Variants in XYLT1 observed in about 807,000 individuals in gnomAD.
The protein encoded by XYLT1 is xylosyltransferase 1, also known as beta-D-xylosyltransferase 1.
XYLT1 carries 36 observed loss-of-function variants against 91.3 expected under a neutral mutation model. The observed-to-expected ratio is 0.39, with a 90% CI of 0.30 to 0.52. The LOEUF is 0.52. XYLT1 is among the 20% of genes least tolerant of loss of function. The pLI is 0.68. For missense variants in XYLT1, 1,242 were observed against 1,284.5 expected (o/e 0.97, Z 0.51); for synonymous variants, 588 against 532.0 (o/e 1.11, Z -1.45).
Position 17,134,754 on chromosome 16 carries a change from A to C in XYLT1, c.1765-19T>G, listed in dbSNP as rs1449210975. The stretch of plus-strand genomic sequence containing the variant: ...CTGTCTGCTGTACTCATGGGATTAA[A>C]AATAGAAAAGCCACATCAGCGAGTG... On this transcript the variant is annotated intron_variant, in intron 8 of 11. Coordinates refer to ENST00000261381, the MANE Select transcript of XYLT1 (RefSeq NM_022166.4). The C allele has an allele frequency of 6.2e-7, 1 of 1,611,248 alleles. No homozygotes were observed. The highest frequency in any genetic ancestry group is 8.5e-7 in the Non-Finnish European group (1 of 1,177,718).
chr16:17,325,564 T>A (rs1453087557), intron 2 of XYLT1, among the ~76,000 whole-genome samples: 1 of 152,116 alleles, frequency 6.6e-6, no homozygotes, highest in East Asian at 1.9e-4. Flanking sequence ...TGAAATCAAT[T>A]ATGTAGAAAA....
At chr16:17,243,136 G>A (rs1415360570) in intron 3 of XYLT1, among the ~76,000 whole-genome samples, 1 of 152,168 alleles carries the variant, frequency 6.6e-6, no homozygotes, top group Non-Finnish European at 1.5e-5. Context: ...ACACCCAGAA[G>A]AGCTAACTTT....
At chr16:17,271,455 C>G (rs1200988932) in intron 2 of XYLT1, among the ~76,000 whole-genome samples, 2 of 152,014 alleles carry the variant, frequency 1.3e-5, no homozygotes, top group Non-Finnish European at 2.9e-5. Context: ...GAGAGAGAGA[C>G]AGAGAGGGAG....
At chr16:17,271,567 G>A (rs934707295) in intron 2 of XYLT1, among the ~76,000 whole-genome samples, 7 of 152,260 alleles carry the variant, frequency 4.6e-5, no homozygotes, top group African/African-American at 1.7e-4. Context: ...CAAGGACAGC[G>A]CTGTTGACAT....
chr16:17,335,616 C>T (rs374258107), intron 2 of XYLT1, among the ~76,000 whole-genome samples: 5 of 151,838 alleles, frequency 3.3e-5, no homozygotes, highest in East Asian at 3.9e-4. Flanking sequence ...ATCGCTTTAA[C>T]CCGGAAGGCA....
chr16:17,455,343 A>G (rs2036726890), intron 1 of XYLT1, among the ~76,000 whole-genome samples: 1 of 152,188 alleles, frequency 6.6e-6, no homozygotes, highest in Admixed American at 6.5e-5. Flanking sequence ...GTAGCTTACA[A>G]TTCAATCAGC....
At chr16:17,414,158 T>C (rs1211865129) in intron 1 of XYLT1, among the ~76,000 whole-genome samples, 3 of 152,206 alleles carry the variant, frequency 2.0e-5, no homozygotes, top group Admixed American at 6.5e-5. Flanking sequence ...GTGCCTCTTC[T>C]TTCTAGGGAA....
chr16:17,455,938 T>C (rs1372215902), intron 1 of XYLT1, among the ~76,000 whole-genome samples: 2 of 152,246 alleles, frequency 1.3e-5, no homozygotes, highest in South Asian at 2.1e-4. Context: ...CAATTAATTA[T>C]TTTTTCTCAC....
At chr16:17,286,244 C>A (rs1437664398) in intron 2 of XYLT1, among the ~76,000 whole-genome samples, 1 of 152,092 alleles carries the variant, frequency 6.6e-6, no homozygotes, top group Non-Finnish European at 1.5e-5. Flanking sequence ...TTCTCCACCA[C>A]ACTTACTTGA....
chr16:17,371,528 T>C (rs2035531697), intron 1 of XYLT1, among the ~76,000 whole-genome samples: 1 of 152,204 alleles, frequency 6.6e-6, no homozygotes, highest in Admixed American at 6.5e-5. Flanking sequence ...GATTGGCTAA[T>C]GTCTGAGATG....
chr16:17,282,968 C>CCG (rs2034080422), intron 2 of XYLT1, among the ~76,000 whole-genome samples: 1 of 152,012 alleles, frequency 6.6e-6, no homozygotes, highest in Non-Finnish European at 1.5e-5. Flanking sequence ...TCACCCCCCC[C>CCG]AAGTCACACA....
chr16:17,406,904 A>T (rs1187867742), intron 1 of XYLT1, among the ~76,000 whole-genome samples: 1 of 152,200 alleles, frequency 6.6e-6, no homozygotes, highest in Non-Finnish European at 1.5e-5. Flanking sequence ...AGAAAAATAA[A>T]ACATAAGAAC....
chr16:17,369,532 C>T (rs2035501205), intron 1 of XYLT1: 1 of 152,134 alleles, frequency 6.6e-6, no homozygotes, highest in African/African-American at 2.4e-5. Context: ...ACCACCATAC[C>T]TTACCCCTCC....
intron 1 of XYLT1, among the ~76,000 whole-genome samples, chr16:17,455,950 G>A (rs568620146): frequency 9.2e-5 from 14 of 152,256 alleles, no homozygotes; most frequent in South Asian, 6.2e-4. Context: ...TTTTCTCACC[G>A]TCAGCAGCTG....
At chr16:17,232,729 G>A (rs939868938) in intron 3 of XYLT1, among the ~76,000 whole-genome samples, 1 of 151,800 alleles carries the variant, frequency 6.6e-6, no homozygotes, top group Non-Finnish European at 1.5e-5. Context: ...GGCAGTGGTA[G>A]AGGTGATAGT....
chr16:17,326,050 T>C (rs1200119966), intron 2 of XYLT1, among the ~76,000 whole-genome samples: 3 of 152,208 alleles, frequency 2.0e-5, no homozygotes, highest in East Asian at 3.8e-4. Context: ...ACTTAATGTA[T>C]GCATTTTGAA....
chr16:17,376,123 C>G lies in XYLT1; in HGVS notation c.364-18073G>C, dbSNP rs114257518. Among the ~76,000 whole-genome samples, 367 of 152,368 alleles carry G rather than the reference C, an allele frequency of 2.4e-3. 2 individuals are homozygous for G. Among genetic ancestry groups the G allele is most frequent in the African/African-American group, 8.5e-3 (354 of 41,598 alleles). On this transcript the variant is annotated intron_variant, in intron 1 of 11. Transcript: ENST00000261381. ...AGGGGCCCATCCCACTGTGCTTTCA[C>G]GACCTGGTGGCAGTGGTTCTCAACC...
At chr16:17,401,350 C>T (rs2035967127) in intron 1 of XYLT1, among the ~76,000 whole-genome samples, 1 of 152,178 alleles carries the variant, frequency 6.6e-6, no homozygotes, top group African/African-American at 2.4e-5. Flanking sequence ...CCTGCAAGTT[C>T]AATCTCTGCC....
At chr16:17,396,677 C>T (rs1452537060) in intron 1 of XYLT1, among the ~76,000 whole-genome samples, 1 of 152,120 alleles carries the variant, frequency 6.6e-6, no homozygotes, top group African/African-American at 2.4e-5. Context: ...TTGAGACCAG[C>T]CTGGCCAAAC....
Sources: allele counts gnomAD v4.1 joint callset (sites outside exome capture counted in the v4.1 genomes callset), GRCh38; gene constraint gnomAD v4.1.1; transcripts MANE v1.5; gene names NCBI Gene and HGNC (gene_info 2026-07-23, HGNC 2026-07-21).